AHNAK2: variants seen among roughly 807,000 people sequenced by gnomAD.
AHNAK2 encodes the protein AHNAK nucleoprotein 2.
In AHNAK2, 18 loss-of-function variants were observed where a neutral mutation model predicts 30.7. That is an observed-to-expected ratio of 0.59 (90% confidence interval 0.41 to 0.87). The LOEUF (loss-of-function observed/expected upper bound fraction) is 0.87. AHNAK2 is among the 40% of genes least tolerant of loss of function. The pLI, the probability that AHNAK2 is intolerant of heterozygous loss-of-function variation, is 0.00. For synonymous variants in AHNAK2, 3,590 were observed against 3,073.8 expected, an observed-to-expected ratio of 1.17 and a Z score of -5.56; for missense variants, 8,604 against 7,373.0, an observed-to-expected ratio of 1.17 and a Z score of -6.11.
At position 104,949,385 on chromosome 14, in the gene AHNAK2, C is replaced by A; in HGVS notation, c.6066G>T (p.Val2022=). Residue 2022 remains valine (V), a synonymous_variant, in exon 7 of 7, where the codon GTG becomes GTT. Coordinates refer to ENST00000333244, the MANE Select transcript of AHNAK2 (RefSeq NM_138420.4). ...GGTCCCCCTGCATGGAGGGGAGACT[C>A]ACGTCGGCCTCCACCTTGGGTGCAG... ...DVPAPKVEAD[V]SLPSMQGDLK... 6.3e-7 allele frequency: 1 copy of A among 1,581,386 alleles called. No individual in the cohort carries two copies. Among genetic ancestry groups the A allele is most frequent in the South Asian group, 1.1e-5 (1 of 89,604 alleles).
rs918044458 is a variant in AHNAK2, at chr14:104,978,370, G to A, written c.-133C>T. On this transcript the variant is annotated 5_prime_UTR_variant, in exon 1 of 7. Coordinates refer to ENST00000333244, the MANE Select transcript of AHNAK2 (RefSeq NM_138420.4). ...TGCGCTGCCGCGGGCGGCCGACCTC[G>A]GACTGCGGACACCGCGCGCCAGGCT... 2 of 522,784 alleles carry A rather than the reference G, an allele frequency of 3.8e-6. No individual in the cohort carries two copies. Among genetic ancestry groups the A allele is most frequent in the Admixed American group, 6.0e-5 (1 of 16,668 alleles). The allele number at this position is 522,784 out of a possible 1,614,324, so 32.4% of individuals were successfully genotyped here. A position where few individuals can be genotyped will look rare whatever the true frequency, so the allele number is the denominator to read the frequency against.
chr14:104,963,689 G>T (rs538960228), intron 1 of AHNAK2, among the ~76,000 whole-genome samples: 2 of 152,188 alleles, frequency 1.3e-5, no homozygotes, highest in South Asian at 4.1e-4. Flanking sequence ...AATTAGCCGG[G>T]TGTGGTGGCG....
At position 104,943,219 on chromosome 14, in the gene AHNAK2, G is replaced by A. The variant is rs1468725969; in HGVS notation, c.12232C>T (p.Leu4078=). The change falls in exon 7 of 7, where the codon CTG becomes TTG. Residue 4078 remains leucine (L), a synonymous_variant. Transcript: ENST00000333244. Reference sequence around the variant, plus strand: ...TCCGCCTTGGGGCCTTTCAGGTCCAGCTTGGGGCCCTTAACATCTATCTGG... The same window carrying A: ...TCCGCCTTGGGGCCTTTCAGGTCCAACTTGGGGCCCTTAACATCTATCTGG... The part of the protein sequence containing the change: ...GPQIDVKGPK[L]DLKGPKAEVT... 1.9e-6 allele frequency: 3 copies of A among 1,613,052 alleles called. No homozygotes were observed. In the African/African-American group the frequency reaches 4.0e-5, roughly 22 times the overall value.
rs752216670 is a variant in AHNAK2 at position 104,949,625 on chromosome 14, C to T, written c.5826G>A (p.Val1942=). The T allele has an allele frequency of 6.3e-7, 1 of 1,589,110 alleles. No individual in the cohort carries two copies. Residue 1942 remains valine (V), a synonymous_variant, in exon 7 of 7, where the codon GTG becomes GTA. Transcript: ENST00000333244. ...GAGACACCTCGACATCGGGGGCTGT[C>T]ACTTCCGCCTTGGGGCCTTTCAGGT... ...KLDLKGPKAE[V]TAPDVEVSLP...
rs1180712152 is a variant in AHNAK2 at position 104,956,582 on chromosome 14, A to G, written c.315+6T>C. On this transcript the variant is annotated splice_donor_region_variant and intron_variant, in intron 4 of 6. Transcript: ENST00000333244. ...CTCTGTGACCCTCAGCTCCTGCTGTACCCACCTCTGGACGACTCATCCTGA... is the reference window on the plus strand; with the variant it reads ...CTCTGTGACCCTCAGCTCCTGCTGTGCCCACCTCTGGACGACTCATCCTGA... The G allele has an allele frequency of 1.9e-6, 3 of 1,613,620 alleles. No individual in the cohort carries two copies. The highest frequency in any genetic ancestry group is 2.7e-5 in the African/African-American group (2 of 75,020).
In AHNAK2 at chr14:104,937,922, TG is replaced by T; in HGVS notation, c.*140del. 2 of 860,002 alleles carry T rather than the reference TG, an allele frequency of 2.3e-6. No individual in the cohort carries two copies. Among genetic ancestry groups the T allele is most frequent in the Non-Finnish European group, 3.4e-6 (2 of 583,452 alleles). 53.3% of individuals were successfully genotyped at this position (860,002 alleles called of 1,614,324 possible). On this transcript the variant is annotated 3_prime_UTR_variant, in exon 7 of 7. Transcript: ENST00000333244. Reference sequence around the variant, plus strand: ...CTGTGTGATGGTGACAAAGGTGTTCTGGTCATTTCTGCTCTGTTCTCCGTTC... The same window carrying T: ...CTGTGTGATGGTGACAAAGGTGTTCTGTCATTTCTGCTCTGTTCTCCGTTC...
rs1898603770 is a variant in AHNAK2, at chr14:104,950,256, G to A, written c.5195C>T (p.Pro1732Leu). ...VNVKLPEGPL[P>L]EGAGFKGHLP... ...GTGCCCTTTGAAGCCGGCTCCCTCG[G>A]GAAGGGGGCCCTCCGGGAGTTTCAC... The change falls in exon 7 of 7, where the codon CCC (proline) becomes CTC (leucine). Residue 1732 changes from proline (P) to leucine (L), a missense_variant. Transcript: ENST00000333244. The A allele has an allele frequency of 2.5e-6, 4 of 1,585,768 alleles. 1 individual carries two copies. The highest frequency in any genetic ancestry group is 3.4e-6 in the Non-Finnish European group (4 of 1,162,878).
Position 104,940,662 on chromosome 14 carries a change from T to C in AHNAK2, c.14789A>G (p.Gln4930Arg). ...TTCTCCAGGGGCCACTACTGATGTC[T>C]GCAAGGAGGCCACAAGCTCTTCTGG... ...QGPEELVASL[Q>R]TSVVAPGEAP... Residue 4930 changes from glutamine to arginine, a missense_variant, in exon 7 of 7, where the codon CAG becomes CGG. Physicochemically the swap from Gln to Arg is conservative, Grantham distance 43 (BLOSUM62 1). Transcript: ENST00000333244. This position sits in a 1 kb window ranked among gnomAD's most constrained non-coding sequence, Gnocchi z 4.4. The C allele has an allele frequency of 6.2e-7, 1 of 1,613,480 alleles. No individual in the cohort carries two copies. The highest frequency in any genetic ancestry group is 8.5e-7 in the Non-Finnish European group (1 of 1,179,874).
In AHNAK2 at chr14:104,939,181, G is replaced by C. The variant is rs1341570936; in HGVS notation, c.16270C>G (p.Leu5424Val). The C allele has an allele frequency of 6.2e-7, 1 of 1,613,382 alleles. No homozygotes were observed. The highest frequency in any genetic ancestry group is 2.2e-5 in the East Asian group (1 of 44,896). ...CAGAGCCCCGGACTTTCCTTACAAA[G>C]GGCTGTATCAATATTGGCCTCTGGA... Reference protein sequence around the residue: ...QCPEANIDTALCKESPGLWGA... With the variant: ...QCPEANIDTAVCKESPGLWGA... The change falls in exon 7 of 7, where the codon CTT becomes GTT. Residue 5424 changes from leucine to valine, a missense_variant. Transcript: ENST00000333244.
At position 104,954,325 on chromosome 14, in the gene AHNAK2, TG is replaced by T. The variant is rs774371861; in HGVS notation, c.1125del (p.Ser375ArgfsTer13). Reference sequence around the variant, plus strand: ...TCCTGTTCTGCCCTCTCCTCTCTCCTGCTGCCTGTGGCAGCCCCAGTCTCCT... The same window carrying T: ...TCCTGTTCTGCCCTCTCCTCTCTCCTCTGCCTGTGGCAGCCCCAGTCTCCT... ...SLEETGAATG[S>X]RREERAEQDR... On this transcript the variant is annotated frameshift_variant, in exon 7 of 7. Transcript: ENST00000333244. LOFTEE classifies it low-confidence loss of function (END_TRUNC). The surrounding 1 kb of genome is among the most constrained non-coding windows in gnomAD (Gnocchi z 4.3). 1 of 1,613,566 alleles carries T rather than the reference TG, an allele frequency of 6.2e-7. No individual in the cohort carries two copies. Among genetic ancestry groups the T allele is most frequent in the South Asian group, 1.1e-5 (1 of 91,082 alleles).
Position 104,948,757 on chromosome 14 carries a change from G to C in AHNAK2, c.6694C>G (p.Leu2232Val). The change falls in exon 7 of 7, where the codon CTC (leucine) becomes GTC (valine). Residue 2232 changes from leucine to valine, a missense_variant. Physicochemically the swap from Leu to Val is conservative, Grantham distance 32 (BLOSUM62 1). Transcript: ENST00000333244. ...TGCAGCTTGGGCAGGTGCCCTTTGA[G>C]GCCGACTTCCTCGGGCACAGGGCCC... ...LEGPVPEEVG[L>V]KGHLPKLQMP... is the part of the protein sequence containing the mutation. 1 of 1,611,874 alleles carries C rather than the reference G, an allele frequency of 6.2e-7. No homozygotes were observed. The highest frequency in any genetic ancestry group is 8.5e-7 in the Non-Finnish European group (1 of 1,179,564).
intron 1 of AHNAK2, among the ~76,000 whole-genome samples, chr14:104,962,881 G>T (rs1490005661): frequency 5.3e-5 from 8 of 152,096 alleles, no homozygotes. Flanking sequence ...ATCATAGAGG[G>T]GAATGTAAAA....
rs199658132 is a variant in AHNAK2 at position 104,953,010 on chromosome 14, C to G, written c.2441G>C (p.Arg814Pro). ...GGCCAGGGACAGGTCCCCCTCCAGC[C>G]GCGCACCATCCAGCTTTGCTCTCGG... ...QAPRAKLDGARLEGDLSLADK... is the reference protein window; with the variant it reads ...QAPRAKLDGAPLEGDLSLADK... The change falls in exon 7 of 7, where the codon CGG (arginine) becomes CCG (proline). Residue 814 changes from arginine to proline, a missense_variant. Coordinates refer to ENST00000333244, the MANE Select transcript of AHNAK2 (RefSeq NM_138420.4). The G allele has an allele frequency of 5.6e-6, 9 of 1,611,912 alleles. No homozygotes were observed. Among genetic ancestry groups the G allele is most frequent in the Non-Finnish European group, 7.6e-6 (9 of 1,179,498 alleles).
In AHNAK2 at chr14:104,942,448, G is replaced by A. The variant is rs190660723; in HGVS notation, c.13003C>T (p.Pro4335Ser). 9.0e-5 allele frequency: 145 copies of A among 1,612,944 alleles called. No individual in the cohort carries two copies. The African/African-American group carries it at 1.2e-3, about 13-fold the overall frequency. Residue 4335 changes from proline (P) to serine (S), a missense_variant, in exon 7 of 7, where the codon CCC becomes TCC. Pro to Ser is a moderately conservative substitution (Grantham distance 74, BLOSUM62 -1). Transcript: ENST00000333244. ...GTCTTCAGGTCCCCCTGCATGGAGG[G>A]GAGGCTCACGTCAGCCTCCACCTTC... ...ALKVEADVSLPSMQGDLKTTH... is the reference protein window; with the variant it reads ...ALKVEADVSLSSMQGDLKTTH...
In AHNAK2 at chr14:104,943,411, T is replaced by G; in HGVS notation, c.12040A>C (p.Thr4014Pro). 1 of 1,613,254 alleles carries G rather than the reference T, an allele frequency of 6.2e-7. No homozygotes were observed. Among genetic ancestry groups the G allele is most frequent in the Non-Finnish European group, 8.5e-7 (1 of 1,179,664 alleles). ...GAAGGGGGCTGAACGCTGAGGTCAG[T>G]GGCCTTGAGGTCCCCCTGCATGGAA... ...LPSMQGDLKA[T>P]DLSVQPPSAD... The change falls in exon 7 of 7, where the codon ACT (threonine) becomes CCT (proline). Residue 4014 changes from threonine to proline, a missense_variant. By Grantham distance (38) the Thr-to-Pro change is conservative. Transcript: ENST00000333244.
rs1255148637 is a variant in AHNAK2 at position 104,938,622 on chromosome 14, T to C, written c.16829A>G (p.Glu5610Gly). Residue 5610 changes from glutamate to glycine, a missense_variant, in exon 7 of 7, where the codon GAA becomes GGA. Glu to Gly is a moderately conservative substitution (Grantham distance 98, BLOSUM62 -2). Transcript: ENST00000333244. ...ADSCSDEEPA[E>G]ILEFPPDDSQ... ...ATCATCAGGGGGAAACTCAAGAATT[T>C]CTGCTGGCTCCTCATCTGAACAGCT... 6.2e-7 allele frequency: 1 copy of C among 1,612,608 alleles called. No homozygotes were observed. The highest frequency in any genetic ancestry group is 8.5e-7 in the Non-Finnish European group (1 of 1,179,396).
In AHNAK2 at chr14:104,962,256, G is replaced by C. The variant is rs1196276221; in HGVS notation, c.56-4584C>G. 2.0e-5 allele frequency among the ~76,000 whole-genome samples: 3 copies of C among 152,280 alleles called. No homozygotes were observed. In the East Asian group the frequency reaches 5.8e-4, roughly 29 times the overall value. ...GGACAGTCACTGAGACAGGCCCCAT[G>C]CTGGCTCAGAAACCTGTCTTGACGA... is the stretch of plus-strand genomic sequence containing the variant. On this transcript the variant is annotated intron_variant, in intron 1 of 6. Coordinates refer to ENST00000333244, the MANE Select transcript of AHNAK2 (RefSeq NM_138420.4).
At chr14:104,970,377 T>C in intron 1 of AHNAK2, 1 of 971,410 alleles carries the variant, frequency 1.0e-6, no homozygotes, top group East Asian at 1.1e-4. Flanking sequence ...CCCCCCTTGC[T>C]GGTGGCCTGC....
chr14:104,942,111 C>T lies in AHNAK2; in HGVS notation c.13340G>A (p.Gly4447Glu), dbSNP rs758151078. Residue 4447 changes from glycine to glutamate, a missense_variant, in exon 7 of 7, where the codon GGG becomes GAG. Physicochemically the swap from Gly to Glu is moderately conservative, Grantham distance 98. Transcript: ENST00000333244. Reference protein sequence around the residue: ...GAKLDSTRLEGDLSLADKDVT... With the variant: ...GAKLDSTRLEEDLSLADKDVT... ...GTCCTTGTCAGCCAGGGACAGGTCCCCCTCCAGCCGCGTACTGTCCAGCTT... is the reference window on the plus strand; with the variant it reads ...GTCCTTGTCAGCCAGGGACAGGTCCTCCTCCAGCCGCGTACTGTCCAGCTT... The T allele has an allele frequency of 6.2e-7, 1 of 1,613,262 alleles. No homozygotes were observed. The highest frequency in any genetic ancestry group is 1.1e-5 in the South Asian group (1 of 91,048).
Sources: gnomAD v4.1 joint callset for allele counts (sites outside exome capture counted in the v4.1 genomes callset) on GRCh38, gnomAD v4.1.1 for gene constraint, Gnocchi (gnomAD v3.1) non-coding constraint, MANE v1.5 for transcripts, NCBI Gene and HGNC (gene_info 2026-07-23, HGNC 2026-07-21) for gene names.